The following CNTN4 variants were observed in gnomAD, a reference collection of about 807,000 sequenced individuals.
CNTN4 encodes the protein contactin-4.
A neutral mutation model predicts 122.5 loss-of-function variants in CNTN4; 77 were observed. The observed-to-expected ratio is 0.63, with a 90% confidence interval of 0.52 to 0.76. The LOEUF (loss-of-function observed/expected upper bound fraction) is 0.76. CNTN4 is among the 30% of genes least tolerant of loss of function. CNTN4 has a pLI of 0.00. For missense variants in CNTN4, 1,256 were observed against 1,259.1 expected (o/e 1.00, Z 0.04); for synonymous variants, 512 against 447.0 (o/e 1.15, Z -1.83).
intron 4 of CNTN4, among the ~76,000 whole-genome samples, chr3:2,641,148 T>C (rs1265369549): frequency 1.3e-5 from 2 of 152,120 alleles, no homozygotes; most frequent in Non-Finnish European, 2.9e-5. Flanking sequence ...AAAAAAGAAA[T>C]GCACCAAACG....
At chr3:3,000,423 A>G (rs1391422573) in intron 14 of CNTN4, among the ~76,000 whole-genome samples, 3 of 152,208 alleles carry the variant, frequency 2.0e-5, no homozygotes, top group Non-Finnish European at 4.4e-5. Flanking sequence ...CAGTGTTTTC[A>G]AACATTTAAA....
chr3:2,834,903 T>TTTTTTTTTTCTTTTTTTC (rs1275430239), intron 7 of CNTN4, among the ~76,000 whole-genome samples: 1 of 106,812 alleles, frequency 9.4e-6, no homozygotes, highest in African/African-American at 4.4e-5. Context: ...GCAACCTTTT[T>TTTTTTTTTTCTTTTTTTC]TTTTTTTTTT....
chr3:2,148,230 A>C (rs2125386587), intron 2 of CNTN4, among the ~76,000 whole-genome samples: 1 of 152,238 alleles, frequency 6.6e-6, no homozygotes, highest in South Asian at 2.1e-4. Flanking sequence ...CATTGAGATA[A>C]GATTATTCAG....
rs571153126 is a variant in CNTN4 at position 2,324,296 on chromosome 3, G to T, written c.-144-14882G>T. Among the ~76,000 whole-genome samples, 6 of 134,106 alleles carry T rather than the reference G, an allele frequency of 4.5e-5. No individual in the cohort carries two copies. The South Asian group carries it at 1.3e-3, about 28-fold the overall frequency. The allele number at this position is 134,106 out of a possible 152,430, so 88.0% of individuals were successfully genotyped here. A position where few individuals can be genotyped will look rare whatever the true frequency, so the allele number is the denominator to read the frequency against. On this transcript the variant is annotated intron_variant, in intron 2 of 24. Transcript: ENST00000418658. ...ATAGAAGAAATAACTGGATGTGTCT[G>T]CAGCATTTTCTTCCCATGGCATTGC...
intron 7 of CNTN4, among the ~76,000 whole-genome samples, chr3:2,864,773 C>T: frequency 8.3e-6 from 1 of 121,044 alleles, no homozygotes. Flanking sequence ...GTATTTGATT[C>T]CAACTCTCCT....
At chr3:3,027,844 A>G (rs928436127) in intron 15 of CNTN4, among the ~76,000 whole-genome samples, 1 of 152,232 alleles carries the variant, frequency 6.6e-6, no homozygotes. Flanking sequence ...GGGACACCTA[A>G]TGAAGTCAAA....
intron 13 of CNTN4, among the ~76,000 whole-genome samples, chr3:2,949,517 A>G (rs754048106): frequency 7.2e-5 from 11 of 152,082 alleles, no homozygotes; most frequent in African/African-American, 1.7e-4. Flanking sequence ...TACCCAGTGG[A>G]CCGGGTTATG....
intron 3 of CNTN4, among the ~76,000 whole-genome samples, chr3:2,490,935 G>T (rs948330714): frequency 6.6e-6 from 1 of 152,058 alleles, no homozygotes; most frequent in Non-Finnish European, 1.5e-5. Flanking sequence ...AGGCCTCCCA[G>T]TTGACAGAAT....
At chr3:2,633,331 C>G (rs893383774) in intron 4 of CNTN4, among the ~76,000 whole-genome samples, 7 of 152,312 alleles carry the variant, frequency 4.6e-5, no homozygotes, top group East Asian at 3.9e-4. Context: ...ATTTTAGGAA[C>G]AGATAAACTC....
At chr3:2,603,534 T>A (rs2081136786) in intron 4 of CNTN4, among the ~76,000 whole-genome samples, 1 of 152,224 alleles carries the variant, frequency 6.6e-6, no homozygotes, top group African/African-American at 2.4e-5. Flanking sequence ...ATAAAAAGAA[T>A]GAGCATATAA....
At chr3:3,051,885 G>C (rs1701309608) in intron 23 of CNTN4, among the ~76,000 whole-genome samples, 1 of 152,150 alleles carries the variant, frequency 6.6e-6, no homozygotes, top group Non-Finnish European at 1.5e-5. Context: ...ATTTATAAGG[G>C]ATCTTAGGGA....
intron 6 of CNTN4, among the ~76,000 whole-genome samples, chr3:2,765,635 C>T (rs2090825208): frequency 1.3e-5 from 2 of 151,846 alleles, no homozygotes; most frequent in South Asian, 2.1e-4. Flanking sequence ...ATTTTATATG[C>T]CTTAGAGTTT....
chr3:3,014,259 T>C (rs1697531532), intron 14 of CNTN4, among the ~76,000 whole-genome samples: 1 of 152,204 alleles, frequency 6.6e-6, no homozygotes, highest in African/African-American at 2.4e-5. Flanking sequence ...TTCTCAATAC[T>C]TTCAGTCTGT....
intron 3 of CNTN4, among the ~76,000 whole-genome samples, chr3:2,377,358 A>C (rs1401523372): frequency 6.6e-6 from 1 of 152,144 alleles, no homozygotes; most frequent in Non-Finnish European, 1.5e-5. Context: ...ACAAAGTATT[A>C]ATAGAATGAC....
intron 3 of CNTN4, among the ~76,000 whole-genome samples, chr3:2,421,669 A>G (rs1559537736): frequency 6.6e-6 from 1 of 152,198 alleles, no homozygotes; most frequent in East Asian, 1.9e-4. Context: ...ATTAAATGAC[A>G]TATGTGTTCT....
intron 6 of CNTN4, among the ~76,000 whole-genome samples, chr3:2,814,588 C>G (rs1041210470): frequency 6.6e-6 from 1 of 152,230 alleles, no homozygotes; most frequent in African/African-American, 2.4e-5. Flanking sequence ...ATGTGGATTT[C>G]TTTCCATATT....
intron 13 of CNTN4, among the ~76,000 whole-genome samples, chr3:2,960,909 A>C (rs990393672): frequency 1.3e-5 from 2 of 152,092 alleles, no homozygotes; most frequent in African/African-American, 4.8e-5. Flanking sequence ...CGGCTTTTCA[A>C]ATCGTTTCGC....
Position 2,363,854 on chromosome 3 carries a change from G to A in CNTN4, c.-89+24621G>A, listed in dbSNP as rs116455454. ...CATGGACTGTAGTAATTCTGCCAAA[G>A]ACTGAAACAATAAATAGTAAGGTAA... On this transcript the variant is annotated intron_variant, in intron 3 of 24. Coordinates refer to ENST00000418658, the MANE Select transcript of CNTN4 (RefSeq NM_175607.3). Among the ~76,000 whole-genome samples the A allele has an allele frequency of 3.8e-3, 573 of 152,254 alleles. 4 individuals are homozygous for A. The highest frequency in any genetic ancestry group is 5.4e-3 in the Non-Finnish European group (364 of 68,000).
chr3:2,813,720 C>G (rs1467678093), intron 6 of CNTN4, among the ~76,000 whole-genome samples: 2 of 151,896 alleles, frequency 1.3e-5, no homozygotes, highest in Non-Finnish European at 2.9e-5. Flanking sequence ...GATCTTGGAC[C>G]CTCTTGATTT....
Sources: gnomAD v4.1 joint callset for allele counts (sites outside exome capture counted in the v4.1 genomes callset) on GRCh38, gnomAD v4.1.1 for gene constraint, MANE v1.5 for transcripts, NCBI Gene and HGNC (gene_info 2026-07-23, HGNC 2026-07-21) for gene names.